The following MYO1D variants were observed in gnomAD, a reference collection of about 807,000 sequenced individuals.
MYO1D encodes the protein myosin ID.
A neutral mutation model predicts 122.0 loss-of-function variants in MYO1D; 83 were observed. The ratio of observed to expected loss-of-function variants is 0.68; its 90% CI spans 0.57 to 0.82. The LOEUF (loss-of-function observed/expected upper bound fraction) is 0.82. Ranked by LOEUF, MYO1D falls within the 40% of genes least tolerant of loss-of-function variation. MYO1D has a pLI of 0.00. For missense variants in MYO1D, 1,157 were observed against 1,269.5 expected, an observed-to-expected ratio of 0.91 and a Z score of 1.35; for synonymous variants, 464 against 446.9, an observed-to-expected ratio of 1.04 and a Z score of -0.48.
chr17:32,772,687 G>T, intron 5 of MYO1D, 102 bp downstream of exon 5: 1 of 941,560 alleles, frequency 1.1e-6, no homozygotes, highest in Non-Finnish European at 1.7e-6. Context: ...CGGGGCCAAT[G>T]GAGATGAGTG....
At chr17:32,846,976 G>C (rs62070185) in intron 1 of MYO1D, among the ~76,000 whole-genome samples, 3,744 of 152,186 alleles carry the variant, frequency 0.025, 70 homozygotes, top group Non-Finnish European at 0.037. Flanking sequence ...AACAGAACGA[G>C]ACCCTGTTTC....
Position 32,833,348 on chromosome 17 carries a change from C to A in MYO1D, c.95+43430G>T, listed in dbSNP as rs144867593. 4.7e-3 allele frequency among the ~76,000 whole-genome samples: 713 copies of A among 152,306 alleles called. 7 individuals carry two copies. Among genetic ancestry groups the A allele is most frequent in the African/African-American group, 0.016 (682 of 41,556 alleles). On this transcript the variant is annotated intron_variant, in intron 1 of 21. Coordinates refer to ENST00000318217, the MANE Select transcript of MYO1D (RefSeq NM_015194.3). ...TCTATCTTCAAAGTATAAACACAAT[C>A]CATCTCTCTTCAAAGCATATCTAGA...
intron 1 of MYO1D, among the ~76,000 whole-genome samples, chr17:32,783,725 C>T (rs1346759057): frequency 6.6e-6 from 1 of 152,130 alleles, no homozygotes; most frequent in Non-Finnish European, 1.5e-5. Flanking sequence ...CAATATACAC[C>T]TTAACAGCAA....
Position 32,654,505 on chromosome 17 carries a change from C to T in MYO1D, c.2462G>A (p.Arg821Lys). The stretch of plus-strand genomic sequence containing the variant: ...AGCAAGATAGTTGCCCTCCCAGGCC[C>T]TCTGGAGCCCGAGGTCAGCCCTTTG... Reference protein sequence around the residue: ...KGQRADLGLQRAWEGNYLASK... With the variant: ...KGQRADLGLQKAWEGNYLASK... Residue 821 changes from arginine to lysine, a missense_variant, in exon 18 of 22, where the codon AGG becomes AAG. Transcript: ENST00000318217. 6.2e-7 allele frequency: 1 copy of T among 1,613,930 alleles called. No individual in the cohort carries two copies. Among genetic ancestry groups the T allele is most frequent in the Non-Finnish European group, 8.5e-7 (1 of 1,179,912 alleles).
At chr17:32,495,033 A>G (rs1303779600) in intron 21 of MYO1D, 118 bp from the exon 22 acceptor site, 5 of 1,282,386 alleles carry the variant, frequency 3.9e-6, no homozygotes, top group Non-Finnish European at 5.3e-6. Flanking sequence ...CACAAGTGCC[A>G]GGAGGATGCC....
chr17:32,731,309 T>C (rs1047258708), intron 14 of MYO1D, among the ~76,000 whole-genome samples: 1 of 152,270 alleles, frequency 6.6e-6, no homozygotes, highest in Non-Finnish European at 1.5e-5. Context: ...TTCAGCTTTA[T>C]GTAAACTGAT....
intron 15 of MYO1D, among the ~76,000 whole-genome samples, chr17:32,718,154 CA>C (rs906416128): frequency 1.3e-5 from 2 of 152,126 alleles, no homozygotes; most frequent in Non-Finnish European, 2.9e-5. Flanking sequence ...ATCAAATTTA[CA>C]TACACTAAAA....
chr17:32,542,878 A>G (rs1910880973), intron 21 of MYO1D, among the ~76,000 whole-genome samples: 1 of 152,142 alleles, frequency 6.6e-6, no homozygotes, highest in African/African-American at 2.4e-5. Flanking sequence ...CTACAGAGGA[A>G]GCTGGATTTC....
chr17:32,775,787 A>T (rs1187446051), intron 4 of MYO1D, 77 bp downstream of exon 4: 9 of 1,248,252 alleles, frequency 7.2e-6, no homozygotes, highest in African/African-American at 1.6e-5. Context: ...TGAGTCAATA[A>T]AATAAATTCT....
intron 21 of MYO1D, among the ~76,000 whole-genome samples, chr17:32,601,271 A>G (rs1280404877): frequency 6.6e-6 from 1 of 152,104 alleles, no homozygotes; most frequent in Non-Finnish European, 1.5e-5. Context: ...AGAGATGTGT[A>G]ACTCTCCCAT....
At chr17:32,800,263 A>T (rs1360494536) in intron 1 of MYO1D, among the ~76,000 whole-genome samples, 1 of 152,214 alleles carries the variant, frequency 6.6e-6, no homozygotes, top group Non-Finnish European at 1.5e-5. Context: ...ATTATTCACA[A>T]TAGCCAAGAT....
intron 19 of MYO1D, among the ~76,000 whole-genome samples, chr17:32,639,111 G>C (rs1396521403): frequency 6.6e-6 from 1 of 152,076 alleles, no homozygotes. Flanking sequence ...CAAACCCAGA[G>C]AATGGGAGAA....
intron 16 of MYO1D, among the ~76,000 whole-genome samples, chr17:32,662,448 G>A (rs970690325): frequency 6.6e-6 from 1 of 152,120 alleles, no homozygotes; most frequent in Admixed American, 6.5e-5. Flanking sequence ...CAAGGTGGGC[G>A]GATCACAAGG....
At chr17:32,726,572 A>C (rs527805816) in intron 14 of MYO1D, among the ~76,000 whole-genome samples, 1 of 150,238 alleles carries the variant, frequency 6.7e-6, no homozygotes, top group Non-Finnish European at 1.5e-5. Context: ...ATCTAAATAG[A>C]TATATATTAT....
chr17:32,784,182 C>T (rs2090268941), intron 1 of MYO1D, among the ~76,000 whole-genome samples: 2 of 152,206 alleles, frequency 1.3e-5, no homozygotes, highest in Non-Finnish European at 2.9e-5. Context: ...AACACTTCCA[C>T]CCACCAAAAC....
intron 16 of MYO1D, among the ~76,000 whole-genome samples, chr17:32,704,992 TA>T (rs900934322): frequency 7.2e-5 from 11 of 152,256 alleles, no homozygotes; most frequent in Admixed American, 5.9e-4. Flanking sequence ...ATAAAATCAA[TA>T]AAACAGTTTT....
intron 21 of MYO1D, among the ~76,000 whole-genome samples, chr17:32,570,330 A>G (rs1371362460): frequency 6.6e-6 from 1 of 152,036 alleles, no homozygotes; most frequent in Non-Finnish European, 1.5e-5. Flanking sequence ...CCTCCTATCA[A>G]CCCTCATGCA....
intron 2 of MYO1D, 29 bp downstream of exon 2, chr17:32,780,547 T>C (rs549297112): frequency 2.5e-6 from 4 of 1,600,378 alleles, no homozygotes; most frequent in East Asian, 2.2e-5. Context: ...ATTGTGACTT[T>C]GGAAATACAG....
intron 21 of MYO1D, 44 bp downstream of exon 21, chr17:32,605,043 T>C: frequency 1.3e-6 from 2 of 1,499,330 alleles, no homozygotes. Context: ...ATTAAAGATT[T>C]CATAGATTTA....
Sources: gnomAD v4.1 joint callset for allele counts (sites outside exome capture counted in the v4.1 genomes callset) on GRCh38, gnomAD v4.1.1 for gene constraint, MANE v1.5 for transcripts, NCBI Gene and HGNC (gene_info 2026-07-23, HGNC 2026-07-21) for gene names.